The following WDR33 variants were observed in gnomAD, a reference collection of about 807,000 sequenced individuals.
WDR33 encodes the protein pre-mRNA 3' end processing protein WDR33.
In WDR33, 47 loss-of-function variants were observed where a neutral mutation model predicts 164.9. The observed-to-expected ratio is 0.29, with a 90% CI of 0.23 to 0.36. The LOEUF (loss-of-function observed/expected upper bound fraction) is 0.36, where lower values mean the gene tolerates loss of function less well. Among genes scored for constraint, WDR33 ranks in the 10% least tolerant of loss-of-function variants. The probability of loss-of-function intolerance (pLI) is 1.00; values close to 1 mark genes in which losing one functional copy is unlikely to be tolerated. For missense variants in WDR33, 1,137 were observed against 1,754.1 expected (o/e 0.65, Z 6.28); for synonymous variants, 505 against 589.0 (o/e 0.86, Z 2.06).
intron 18 of WDR33, among the ~76,000 whole-genome samples, chr2:127,711,765 TATATATATATATATA>T (rs1558919314): frequency 1.2e-4 from 11 of 88,914 alleles, no homozygotes; most frequent in African/African-American, 6.7e-4. Flanking sequence ...TATATATATA[TATATATATATATATA>T]TTTTTTTTTT....
At chr2:127,801,370 G>C (rs1689235438) in intron 1 of WDR33, among the ~76,000 whole-genome samples, 1 of 151,902 alleles carries the variant, frequency 6.6e-6, no homozygotes, top group African/African-American at 2.4e-5. Flanking sequence ...ACTGTAAAAT[G>C]GTACAATGAG....
At position 127,722,909 on chromosome 2, in the gene WDR33, T is replaced by C. The variant is rs1686474733; in HGVS notation, c.1378+49A>G. Reference sequence around the variant, plus strand: ...TATATTTATCAGGAACATAAACGGGTCAAGAAAAAATTTGTAAAAATTAAA... The same window carrying C: ...TATATTTATCAGGAACATAAACGGGCCAAGAAAAAATTTGTAAAAATTAAA... On this transcript the variant is annotated intron_variant, in intron 13 of 21. Coordinates refer to ENST00000322313, the MANE Select transcript of WDR33 (RefSeq NM_018383.5). This position sits in a 1 kb window ranked among gnomAD's most constrained non-coding sequence, Gnocchi z 5.1. 1.3e-6 allele frequency: 2 copies of C among 1,539,350 alleles called. No individual in the cohort carries two copies. Among genetic ancestry groups the C allele is most frequent in the East Asian group, 4.5e-5 (2 of 44,042 alleles).
At chr2:127,788,578 C>A (rs1431230851) in intron 1 of WDR33, among the ~76,000 whole-genome samples, 2 of 136,364 alleles carry the variant, frequency 1.5e-5, no homozygotes, top group South Asian at 4.6e-4. Flanking sequence ...AGGGGCTCCT[C>A]ACTTCCCAGT....
Position 127,702,228 on chromosome 2 carries a change from G to C in WDR33, c.*4095C>G. 8.4e-7 allele frequency: 1 copy of C among 1,195,136 alleles called. No homozygotes were observed. The highest frequency in any genetic ancestry group is 1.0e-6 in the Non-Finnish European group (1 of 958,008). 74.0% of individuals were successfully genotyped at this position (1,195,136 alleles called of 1,614,324 possible). On this transcript the variant is annotated 3_prime_UTR_variant, in exon 22 of 22. Coordinates refer to ENST00000322313, the MANE Select transcript of WDR33 (RefSeq NM_018383.5). Reference sequence around the variant, plus strand: ...AGTACGCGGAGCCAGCGCCGTCGGAGACCGCGCCGGCCGAGCTGAGGACTG... The same window carrying C: ...AGTACGCGGAGCCAGCGCCGTCGGACACCGCGCCGGCCGAGCTGAGGACTG...
chr2:127,702,326 C>A lies in WDR33; in HGVS notation c.*3997G>T. 1 of 841,466 alleles carries A rather than the reference C, an allele frequency of 1.2e-6. No individual in the cohort carries two copies. Among genetic ancestry groups the A allele is most frequent in the Non-Finnish European group, 1.6e-6 (1 of 642,110 alleles). The allele number at this position is 841,466 out of a possible 1,614,324, so 52.1% of individuals were successfully genotyped here. A position where few individuals can be genotyped will look rare whatever the true frequency, so the allele number is the denominator to read the frequency against. On this transcript the variant is annotated 3_prime_UTR_variant, in exon 22 of 22. Transcript: ENST00000322313. ...TGCGAGTCTAATCCGGGAGCGGCTG[C>A]TGCCAGCGGAGGCGACAGCAGCGTT...
At chr2:127,809,156 C>T (rs1689548163) in intron 1 of WDR33, among the ~76,000 whole-genome samples, 1 of 151,470 alleles carries the variant, frequency 6.6e-6, no homozygotes, top group African/African-American at 2.4e-5. Flanking sequence ...AAATATGAAG[C>T]AGTTCAAACT....
chr2:127,760,484 A>G (rs1281038307), intron 7 of WDR33, among the ~76,000 whole-genome samples: 1 of 152,234 alleles, frequency 6.6e-6, no homozygotes, highest in African/African-American at 2.4e-5. Flanking sequence ...AGTTCACTTC[A>G]CATTTTATTT....
At position 127,767,470 on chromosome 2, in the gene WDR33, T is replaced by C. The variant is rs375532035; in HGVS notation, c.378+719A>G. 1.1e-4 allele frequency among the ~76,000 whole-genome samples: 16 copies of C among 152,200 alleles called. No individual in the cohort carries two copies. In the East Asian group the frequency reaches 2.1e-3, roughly 20 times the overall value. ...GGCTCATGCCTGTAATCCCAGCACT[T>C]TGGGAGGCTGAGGTGGGCAGATCAC... On this transcript the variant is annotated intron_variant, in intron 4 of 21. Coordinates refer to ENST00000322313, the MANE Select transcript of WDR33 (RefSeq NM_018383.5).
chr2:127,779,972 T>C (rs1339754583), intron 1 of WDR33, among the ~76,000 whole-genome samples: 2 of 149,554 alleles, frequency 1.3e-5, no homozygotes, highest in Non-Finnish European at 2.9e-5. Flanking sequence ...AAAGGTTTTT[T>C]TGATTTTTTT....
intron 7 of WDR33, among the ~76,000 whole-genome samples, chr2:127,731,373 T>C (rs1686704811): frequency 1.5e-5 from 2 of 134,854 alleles, no homozygotes; most frequent in South Asian, 4.8e-4. Flanking sequence ...AGAGAGAGAG[T>C]AATAGGCACT....
At position 127,706,567 on chromosome 2, in the gene WDR33, A is replaced by C; in HGVS notation, c.3782-15T>G. 4 of 1,583,866 alleles carry C rather than the reference A, an allele frequency of 2.5e-6. No homozygotes were observed. Among genetic ancestry groups the C allele is most frequent in the Non-Finnish European group, 3.4e-6 (4 of 1,169,528 alleles). ...GCCCCCTCGGCCTGAAACAAAGAAA[A>C]TTTCACATGGGACTTTTTGTATTAG... On this transcript the variant is annotated splice_polypyrimidine_tract_variant and intron_variant, in intron 21 of 21. Coordinates refer to ENST00000322313, the MANE Select transcript of WDR33 (RefSeq NM_018383.5). This position sits in a 1 kb window ranked among gnomAD's most constrained non-coding sequence, Gnocchi z 5.1.
intron 17 of WDR33, among the ~76,000 whole-genome samples, chr2:127,715,088 C>CTTTTTTTTTTTTTTT (rs386391178): frequency 5.5e-5 from 6 of 108,582 alleles, no homozygotes; most frequent in South Asian, 6.7e-4. Flanking sequence ...TTCTTTGTTT[C>CTTTTTTTTTTTTTTT]TTTTTTTTTT....
At chr2:127,803,410 T>A (rs757363747) in intron 1 of WDR33, among the ~76,000 whole-genome samples, 16 of 151,902 alleles carry the variant, frequency 1.1e-4, no homozygotes, top group Non-Finnish European at 2.1e-4. Context: ...TAAAACCCCA[T>A]CTCTACTAAA....
intron 7 of WDR33, chr2:127,736,477 C>T (rs1055633807): frequency 6.1e-6 from 6 of 985,212 alleles, no homozygotes; most frequent in Non-Finnish European, 7.2e-6. Flanking sequence ...AACCAATACA[C>T]AAACATAAAA....
In WDR33 at chr2:127,720,317, C is replaced by T; in HGVS notation, c.1708G>A (p.Glu570Lys). The T allele has an allele frequency of 6.6e-7, 1 of 1,511,426 alleles. No individual in the cohort carries two copies. The highest frequency in any genetic ancestry group is 2.3e-5 in the East Asian group (1 of 43,778). The allele number at this position is 1,511,426 out of a possible 1,614,324, so 93.6% of individuals were successfully genotyped here. ...GATGAGGGAGGAGGCTGAATTTGCTCAACTTGTTTCTGTGCAAGTCTTTCA... is the reference window on the plus strand; with the variant it reads ...GATGAGGGAGGAGGCTGAATTTGCTTAACTTGTTTCTGTGCAAGTCTTTCA... Reference protein sequence around the residue: ...KIERLAQKQVEQIQPPPSSGT... With the variant: ...KIERLAQKQVKQIQPPPSSGT... The change falls in exon 16 of 22, where the codon GAG (glutamate) becomes AAG (lysine). Residue 570 changes from glutamate (E) to lysine (K), a missense_variant. Coordinates refer to ENST00000322313, the MANE Select transcript of WDR33 (RefSeq NM_018383.5). This position sits in a 1 kb window ranked among gnomAD's most constrained non-coding sequence, Gnocchi z 5.9.
intron 7 of WDR33, among the ~76,000 whole-genome samples, chr2:127,742,098 A>G (rs1353444244): frequency 6.6e-6 from 1 of 152,178 alleles, no homozygotes; most frequent in Non-Finnish European, 1.5e-5. Context: ...GCCACTCCAG[A>G]GGCTGAGGCA....
At chr2:127,739,822 A>G (rs1181707865) in intron 7 of WDR33, among the ~76,000 whole-genome samples, 1 of 152,236 alleles carries the variant, frequency 6.6e-6, no homozygotes, top group South Asian at 2.1e-4. Flanking sequence ...AGTATGGGAA[A>G]GCAGAAAATG....
Position 127,701,965 on chromosome 2 carries a change from C to A in WDR33, c.*4358G>T. 7.2e-7 allele frequency: 1 copy of A among 1,393,352 alleles called. No individual in the cohort carries two copies. The highest frequency in any genetic ancestry group is 1.5e-5 in the South Asian group (1 of 66,718). 86.3% of individuals were successfully genotyped at this position (1,393,352 alleles called of 1,614,324 possible). ...TGCGAAGAAGCGCCGTCCCGGCCCG[C>A]GCTGCTCTACATGGCAGCGCTGGGC... On this transcript the variant is annotated 3_prime_UTR_variant, in exon 22 of 22. Transcript: ENST00000322313.
In WDR33 at chr2:127,719,225, T is replaced by G. The variant is rs1220903177; in HGVS notation, c.2760+40A>C. The G allele has an allele frequency of 7.2e-7, 1 of 1,393,006 alleles. No individual in the cohort carries two copies. Among genetic ancestry groups the G allele is most frequent in the Non-Finnish European group, 9.3e-7 (1 of 1,074,964 alleles). 86.3% of individuals were successfully genotyped at this position (1,393,006 alleles called of 1,614,324 possible). ...AGCAGTATTACTTCTGTGCAGAGTG[T>G]ATTTTCCCAATGTGCCCGTGAGTTG... On this transcript the variant is annotated intron_variant, in intron 16 of 21. Coordinates refer to ENST00000322313, the MANE Select transcript of WDR33 (RefSeq NM_018383.5). The surrounding 1 kb of genome is among the most constrained non-coding windows in gnomAD (Gnocchi z 6.5).
Sources: allele counts gnomAD v4.1 joint callset (sites outside exome capture counted in the v4.1 genomes callset), GRCh38; gene constraint gnomAD v4.1.1; non-coding constraint Gnocchi (gnomAD v3.1); transcripts MANE v1.5; gene names NCBI Gene and HGNC (gene_info 2026-07-23, HGNC 2026-07-21).